The following HS3ST4 variants were observed in gnomAD, a reference collection of about 807,000 sequenced individuals.
The protein encoded by HS3ST4 is heparan sulfate glucosamine 3-O-sulfotransferase 4.
HS3ST4 carries 17 observed loss-of-function variants against 29.2 expected under a neutral mutation model. The observed-to-expected ratio is 0.58, with a 90% CI of 0.40 to 0.87. HS3ST4 has a LOEUF of 0.87. Ranked by LOEUF, HS3ST4 falls within the 40% of genes least tolerant of loss-of-function variation. The pLI is 0.00. For missense variants in HS3ST4, 627 were observed against 634.5 expected, an observed-to-expected ratio of 0.99 and a Z score of 0.13; for synonymous variants, 314 against 285.7, an observed-to-expected ratio of 1.10 and a Z score of -1.00.
Position 25,984,679 on chromosome 16 carries a change from G to A in HS3ST4, c.735-150933G>A, listed in dbSNP as rs373525630. On this transcript the variant is annotated intron_variant, in intron 1 of 1. Transcript: ENST00000331351. ...AAACATGCAGGAACTTTCTGTTCCT[G>A]GTTTATTTCACTAAACATAATGCCC... is the stretch of plus-strand genomic sequence containing the variant. 7.2e-5 allele frequency among the ~76,000 whole-genome samples: 11 copies of A among 152,220 alleles called. No individual in the cohort carries two copies. The East Asian group carries it at 2.1e-3, about 29-fold the overall frequency.
chr16:26,115,285 A>G (rs1291444254), intron 1 of HS3ST4, among the ~76,000 whole-genome samples: 1 of 139,224 alleles, frequency 7.2e-6, no homozygotes, highest in South Asian at 2.4e-4. Flanking sequence ...ACACACACAC[A>G]CAAGTATAAA....
At chr16:25,768,448 A>T (rs1966835193) in intron 1 of HS3ST4, among the ~76,000 whole-genome samples, 1 of 152,050 alleles carries the variant, frequency 6.6e-6, no homozygotes, top group South Asian at 2.1e-4. Flanking sequence ...AGACACACAG[A>T]TGAGCTTCTG....
intron 1 of HS3ST4, among the ~76,000 whole-genome samples, chr16:25,861,628 A>G (rs1967638153): frequency 6.6e-6 from 1 of 152,146 alleles, no homozygotes; most frequent in East Asian, 1.9e-4. Flanking sequence ...GGCCAGGGAG[A>G]TGATATATGA....
At chr16:25,840,520 GTGTTTC>G (rs2141644364) in intron 1 of HS3ST4, among the ~76,000 whole-genome samples, 1 of 152,278 alleles carries the variant, frequency 6.6e-6, no homozygotes, top group African/African-American at 2.4e-5. Flanking sequence ...AGCCTAGCTA[GTGTTTC>G]TATGCAAATA....
intron 1 of HS3ST4, among the ~76,000 whole-genome samples, chr16:25,861,198 AG>A (rs1415439592): frequency 1.7e-4 from 26 of 152,306 alleles, no homozygotes; most frequent in African/African-American, 6.0e-4. Context: ...TCCTAGTGTC[AG>A]TCACAGCAGA....
chr16:25,920,393 C>G (rs1968335655), intron 1 of HS3ST4, among the ~76,000 whole-genome samples: 1 of 152,138 alleles, frequency 6.6e-6, no homozygotes, highest in South Asian at 2.1e-4. Flanking sequence ...ATCTGCAACT[C>G]ATTTTTTGAA....
intron 1 of HS3ST4, among the ~76,000 whole-genome samples, chr16:25,963,676 C>G (rs1968815845): frequency 6.6e-6 from 1 of 152,354 alleles, no homozygotes; most frequent in South Asian, 2.1e-4. Flanking sequence ...ATGTTGGAGG[C>G]AAACGTTCTT....
intron 1 of HS3ST4, among the ~76,000 whole-genome samples, chr16:25,904,789 C>T (rs768679637): frequency 3.3e-5 from 5 of 152,060 alleles, no homozygotes; most frequent in African/African-American, 2.4e-5. Flanking sequence ...CTGTATAAAG[C>T]GGGGCTCATG....
intron 1 of HS3ST4, among the ~76,000 whole-genome samples, chr16:25,811,724 C>T (rs1162644730): frequency 3.3e-5 from 5 of 152,236 alleles, no homozygotes; most frequent in African/African-American, 4.8e-5. Context: ...TGAGCCACTG[C>T]GCCCGGCCAG....
At chr16:25,777,419 GT>G (rs1966848537) in intron 1 of HS3ST4, among the ~76,000 whole-genome samples, 2 of 128,138 alleles carry the variant, frequency 1.6e-5, no homozygotes, top group African/African-American at 8.7e-5. Flanking sequence ...CAAAGTGTGT[GT>G]GTGTGTGTGT....
intron 1 of HS3ST4, among the ~76,000 whole-genome samples, chr16:25,785,207 C>G (rs1966856271): frequency 6.6e-6 from 1 of 152,182 alleles, no homozygotes; most frequent in African/African-American, 2.4e-5. Context: ...CCCAAGAGCA[C>G]TGATAAAAAT....
intron 1 of HS3ST4, among the ~76,000 whole-genome samples, chr16:26,086,349 CT>C (rs891010698): frequency 7.3e-5 from 8 of 109,962 alleles, no homozygotes; most frequent in African/African-American, 2.4e-4. Flanking sequence ...TTTTTCTTTT[CT>C]TTTTTTTTCT....
intron 1 of HS3ST4, among the ~76,000 whole-genome samples, chr16:25,819,827 A>G (rs2141632718): frequency 6.6e-6 from 1 of 151,954 alleles, no homozygotes; most frequent in East Asian, 1.9e-4. Context: ...TTTGGCCAAC[A>G]TGGTGAAACC....
chr16:25,807,035 C>G (rs1226874853), intron 1 of HS3ST4, among the ~76,000 whole-genome samples: 2 of 152,160 alleles, frequency 1.3e-5, no homozygotes, highest in Admixed American at 1.3e-4. Flanking sequence ...TGCAATGGTG[C>G]AGTCTCGACT....
chr16:25,692,911 G>T lies in HS3ST4; in HGVS notation c.494G>T (p.Ser165Ile). 1 of 1,597,006 alleles carries T rather than the reference G, an allele frequency of 6.3e-7. No individual in the cohort carries two copies. Among genetic ancestry groups the T allele is most frequent in the Middle Eastern group, 1.7e-4 (1 of 5,950 alleles). ...ALPEREAQES[S>I]TTDEDLAGRR... ...CCGGAGAGGGAAGCGCAGGAGTCCAGCACCACCGACGAGGATCTCGCAGGC... is the reference window on the plus strand; with the variant it reads ...CCGGAGAGGGAAGCGCAGGAGTCCATCACCACCGACGAGGATCTCGCAGGC... Residue 165 changes from serine to isoleucine, a missense_variant, in exon 1 of 2, where the codon AGC becomes ATC. Transcript: ENST00000331351.
chr16:26,033,657 G>T (rs529121539), intron 1 of HS3ST4, among the ~76,000 whole-genome samples: 66 of 152,264 alleles, frequency 4.3e-4, no homozygotes, highest in African/African-American at 1.4e-3. Flanking sequence ...AGAAGTTTGG[G>T]GCTGCAGTGA....
At chr16:25,845,181 T>C (rs1967452449) in intron 1 of HS3ST4, among the ~76,000 whole-genome samples, 1 of 152,094 alleles carries the variant, frequency 6.6e-6, no homozygotes, top group South Asian at 2.1e-4. Context: ...AACCTGCACA[T>C]GTACCCTGGA....
At chr16:25,964,657 A>C (rs1191873043) in intron 1 of HS3ST4, among the ~76,000 whole-genome samples, 2 of 152,216 alleles carry the variant, frequency 1.3e-5, no homozygotes, top group Admixed American at 6.5e-5. Flanking sequence ...CTTTACGCTC[A>C]GTCCCTGTGA....
intron 1 of HS3ST4, among the ~76,000 whole-genome samples, chr16:26,027,109 A>T (rs1969484029): frequency 6.6e-6 from 1 of 152,196 alleles, no homozygotes; most frequent in Non-Finnish European, 1.5e-5. Context: ...TATTTATTTT[A>T]CTTCTTAAAA....
Sources: allele counts gnomAD v4.1 joint callset (sites outside exome capture counted in the v4.1 genomes callset), GRCh38; gene constraint gnomAD v4.1.1; transcripts MANE v1.5; gene names NCBI Gene and HGNC (gene_info 2026-07-23, HGNC 2026-07-21).